Variants in DNAI1 observed in about 807,000 individuals in gnomAD.
DNAI1 encodes the protein dynein, axonemal, intermediate polypeptide 1.
A neutral mutation model predicts 92.0 loss-of-function variants in DNAI1; 67 were observed. That is an observed-to-expected ratio of 0.73 (90% CI 0.60 to 0.89). The LOEUF is 0.89. Among genes scored for constraint, DNAI1 ranks in the 40% least tolerant of loss-of-function variants. The pLI is 0.00. For missense variants in DNAI1, 839 were observed against 866.6 expected (o/e 0.97, Z 0.40); for synonymous variants, 323 against 319.6 (o/e 1.01, Z -0.11).
chr9:34,476,254 C>T (rs74911178), intron 1 of DNAI1, among the ~76,000 whole-genome samples: 1 of 152,152 alleles, frequency 6.6e-6, no homozygotes, highest in East Asian at 1.9e-4. Flanking sequence ...CTCCCCTAAC[C>T]CCGCTGCAGA....
chr9:34,491,172 G>T (rs1299047609), intron 7 of DNAI1, among the ~76,000 whole-genome samples: 1 of 152,214 alleles, frequency 6.6e-6, no homozygotes, highest in Non-Finnish European at 1.5e-5. Context: ...GCCTGACAGA[G>T]GCTGACCTCT....
At chr9:34,484,905 C>A (rs1007478088) in intron 2 of DNAI1, 4 of 478,900 alleles carry the variant, frequency 8.4e-6, no homozygotes, top group Non-Finnish European at 1.5e-5. Context: ...CACAACATTC[C>A]AAGTTCCAGC....
rs1457321481 is a variant in DNAI1 at position 34,520,800 on chromosome 9, C to T, written c.*44C>T. On this transcript the variant is annotated 3_prime_UTR_variant, in exon 20 of 20. Transcript: ENST00000242317. The stretch of plus-strand genomic sequence containing the variant: ...TGTCCCATCGCTTGAATACAGTACT[C>T]CTAGGGCTTGACCCTGGTACCCAGC... The T allele has an allele frequency of 2.1e-5, 32 of 1,540,674 alleles. No homozygotes were observed. The highest frequency in any genetic ancestry group is 2.5e-5 in the Non-Finnish European group (29 of 1,137,276).
At chr9:34,473,960 T>G (rs13298587) in intron 1 of DNAI1, among the ~76,000 whole-genome samples, 18,152 of 152,160 alleles carry the variant, frequency 0.12, 1,397 homozygotes, top group Non-Finnish European at 0.18. Flanking sequence ...ACTCCTGGAC[T>G]CAAGCATTCC....
At chr9:34,462,019 G>T (rs1163173691) in intron 1 of DNAI1, among the ~76,000 whole-genome samples, 1 of 152,176 alleles carries the variant, frequency 6.6e-6, no homozygotes, top group Non-Finnish European at 1.5e-5. Context: ...GGGAAGATCA[G>T]GGTTGGGTTT....
chr9:34,473,444 C>T (rs781570173), intron 1 of DNAI1, among the ~76,000 whole-genome samples: 4 of 151,920 alleles, frequency 2.6e-5, no homozygotes, highest in Non-Finnish European at 5.9e-5. Context: ...AGGTACTTGC[C>T]ACCAGCCTGG....
At chr9:34,497,406 G>A (rs1824748630) in intron 10 of DNAI1, among the ~76,000 whole-genome samples, 1 of 152,226 alleles carries the variant, frequency 6.6e-6, no homozygotes, top group African/African-American at 2.4e-5. Flanking sequence ...GTATACTGAT[G>A]AGATCTGGAA....
chr9:34,489,143 TCTTC>T (rs1824530185), intron 4 of DNAI1, 176 bp from the exon 5 acceptor site: 4 of 677,098 alleles, frequency 5.9e-6, no homozygotes, highest in Non-Finnish European at 1.0e-5. Flanking sequence ...ATTTGTCTTC[TCTTC>T]CTTTTCTTCT....
chr9:34,497,006 T>G (rs999787406), intron 9 of DNAI1, 109 bp from the exon 10 acceptor site: 24 of 840,950 alleles, frequency 2.9e-5, no homozygotes, highest in Non-Finnish European at 4.4e-5. Context: ...CTGGGGTGAG[T>G]AGTGCCAGAG....
chr9:34,487,147 A>G (rs1192938685), intron 4 of DNAI1, among the ~76,000 whole-genome samples: 3 of 151,714 alleles, frequency 2.0e-5, no homozygotes, highest in African/African-American at 4.8e-5. Context: ...TGTGTAGTCA[A>G]CCACTACACA....
intron 7 of DNAI1, among the ~76,000 whole-genome samples, chr9:34,490,784 G>A (rs1179900278): frequency 6.6e-6 from 1 of 152,204 alleles, no homozygotes; most frequent in Admixed American, 6.5e-5. Context: ...GAGGGGAGGG[G>A]AGGCCACAGT....
At chr9:34,501,671 C>T (rs925475288) in intron 12 of DNAI1, among the ~76,000 whole-genome samples, 2 of 152,030 alleles carry the variant, frequency 1.3e-5, no homozygotes, top group Non-Finnish European at 1.5e-5. Flanking sequence ...GAGACTGATG[C>T]GGGCATCCCA....
chr9:34,506,802 C>G lies in DNAI1; in HGVS notation c.1239C>G (p.Leu413=), dbSNP rs2132076954. Reference sequence around the variant, plus strand: ...ACGGCAACGTGGCCATTTACAACCTCAAGAAGCCCCACTCCCAGCCCTCCT... The same window carrying G: ...ACGGCAACGTGGCCATTTACAACCTGAAGAAGCCCCACTCCCAGCCCTCCT... ...HYDGNVAIYN[L]KKPHSQPSFC... Residue 413 remains leucine, a synonymous_variant, in exon 13 of 20, where the codon CTC becomes CTG. Transcript: ENST00000242317. The G allele has an allele frequency of 1.9e-6, 3 of 1,614,176 alleles. No homozygotes were observed. Among genetic ancestry groups the G allele is most frequent in the Non-Finnish European group, 2.5e-6 (3 of 1,180,040 alleles).
chr9:34,500,463 T>C (rs2132071694), intron 10 of DNAI1, among the ~76,000 whole-genome samples: 1 of 152,324 alleles, frequency 6.6e-6, no homozygotes, highest in Non-Finnish European at 1.5e-5. Flanking sequence ...TGTATTGTAA[T>C]GTACCTCCAA....
chr9:34,520,329 A>G (rs1296009140), intron 19 of DNAI1, among the ~76,000 whole-genome samples: 1 of 152,138 alleles, frequency 6.6e-6, no homozygotes, highest in Non-Finnish European at 1.5e-5. Flanking sequence ...GCCTTCGCAG[A>G]GCTGGATTTC....
At chr9:34,475,623 A>T (rs1043863987) in intron 1 of DNAI1, among the ~76,000 whole-genome samples, 1 of 152,200 alleles carries the variant, frequency 6.6e-6, no homozygotes, top group Non-Finnish European at 1.5e-5. Context: ...TGACTCATTT[A>T]ATCCTCATAA....
intron 19 of DNAI1, 104 bp from the exon 20 acceptor site, chr9:34,520,554 A>C (rs1825258458): frequency 2.0e-6 from 2 of 997,230 alleles, no homozygotes; most frequent in Admixed American, 4.0e-5. Flanking sequence ...TGGGCAGGGG[A>C]GGGGTAGGGC....
intron 1 of DNAI1, among the ~76,000 whole-genome samples, chr9:34,471,839 C>T (rs12349736): frequency 0.025 from 3,866 of 151,972 alleles, 175 homozygotes; most frequent in African/African-American, 0.089. Context: ...GATGACATCT[C>T]AATAGATTCA....
At chr9:34,469,933 A>C (rs922027785) in intron 1 of DNAI1, among the ~76,000 whole-genome samples, 4 of 152,220 alleles carry the variant, frequency 2.6e-5, no homozygotes, top group Admixed American at 2.0e-4. Flanking sequence ...AAAACAAAAC[A>C]AAACCATTAT....
Sources: allele counts gnomAD v4.1 joint callset (sites outside exome capture counted in the v4.1 genomes callset), GRCh38; gene constraint gnomAD v4.1.1; transcripts MANE v1.5; gene names NCBI Gene and HGNC (gene_info 2026-07-23, HGNC 2026-07-21).